The following PABPC4L variants were observed in gnomAD, a reference collection of about 807,000 sequenced individuals.
The protein encoded by PABPC4L is polyadenylate-binding protein 4-like.
For missense variants in PABPC4L, 452 were observed against 451.4 expected (o/e 1.00, Z -0.01); for synonymous variants, 169 against 164.1 (o/e 1.03, Z -0.23).
the PABPC4L span, among the ~76,000 whole-genome samples, chr4:134,103,529 G>T: frequency 4.0e-5 from 6 of 151,412 alleles, no homozygotes; most frequent in African/African-American, 1.5e-4. Context: ...TTAAAAAGAT[G>T]CCAATCATAT....
chr4:134,175,176 T>C, the PABPC4L span, among the ~76,000 whole-genome samples: 989 of 152,240 alleles, frequency 6.5e-3, 9 homozygotes, highest in African/African-American at 0.022. Flanking sequence ...AAAATATAAG[T>C]ACCCGCGAAA....
the PABPC4L span, among the ~76,000 whole-genome samples, chr4:134,072,560 G>C: frequency 6.6e-6 from 1 of 152,162 alleles, no homozygotes; most frequent in Non-Finnish European, 1.5e-5. Flanking sequence ...AAAAGCAAGA[G>C]TTTAGGAACA....
downstream of PABPC4L, among the ~76,000 whole-genome samples, chr4:134,195,120 C>A (rs142107319): frequency 7.1e-4 from 107 of 151,772 alleles, no homozygotes; most frequent in Non-Finnish European, 1.4e-3. Context: ...TACTAGGCTT[C>A]TAATGCTTCC....
the PABPC4L span, among the ~76,000 whole-genome samples, chr4:133,952,941 C>T: frequency 6.6e-6 from 1 of 152,122 alleles, no homozygotes; most frequent in Admixed American, 6.5e-5. Flanking sequence ...TAACTTTTCC[C>T]TAGAATGTTC....
the PABPC4L span, among the ~76,000 whole-genome samples, chr4:134,038,117 A>G: frequency 6.6e-6 from 1 of 152,096 alleles, no homozygotes; most frequent in African/African-American, 2.4e-5. Flanking sequence ...TATGTGATGA[A>G]TTATGTTTAT....
At chr4:134,062,302 C>T in the PABPC4L span, among the ~76,000 whole-genome samples, 2 of 151,764 alleles carry the variant, frequency 1.3e-5, no homozygotes, top group Admixed American at 6.6e-5. Flanking sequence ...TCATGAGACT[C>T]GCAGGTCAGT....
At chr4:134,019,492 T>C in the PABPC4L span, among the ~76,000 whole-genome samples, 2 of 152,132 alleles carry the variant, frequency 1.3e-5, no homozygotes, top group African/African-American at 2.4e-5. Context: ...ATTTGGAGAA[T>C]TGAATTAGCA....
chr4:133,978,447 A>G, the PABPC4L span, among the ~76,000 whole-genome samples: 7 of 152,088 alleles, frequency 4.6e-5, no homozygotes, highest in African/African-American at 9.7e-5. Flanking sequence ...ATCTCTACAA[A>G]TAATAATAAT....
chr4:134,014,274 C>T, the PABPC4L span, among the ~76,000 whole-genome samples: 1 of 152,174 alleles, frequency 6.6e-6, no homozygotes, highest in Non-Finnish European at 1.5e-5. Context: ...TCAAGGTGTA[C>T]AATAATAGAG....
At chr4:134,006,184 T>G in the PABPC4L span, among the ~76,000 whole-genome samples, 1 of 151,952 alleles carries the variant, frequency 6.6e-6, no homozygotes, top group African/African-American at 2.4e-5. Context: ...TTTTCCATGC[T>G]GCTCATGGAT....
chr4:133,951,313 G>T, the PABPC4L span, among the ~76,000 whole-genome samples: 26 of 152,058 alleles, frequency 1.7e-4, no homozygotes, highest in Non-Finnish European at 5.9e-5. Context: ...TAAGAAACTG[G>T]CTGGATTCAA....
At position 134,199,900 on chromosome 4, in the gene PABPC4L, T is replaced by G; in HGVS notation, c.*7A>C. 6.5e-7 allele frequency: 1 copy of G among 1,550,018 alleles called. No individual in the cohort carries two copies. Among genetic ancestry groups the G allele is most frequent in the Non-Finnish European group, 8.7e-7 (1 of 1,146,536 alleles). ...AGATACTAGCTGGAAAGGTACGTTTTTCTTTCCTAGTGTCTCTGGGCCAAG... is the reference window on the plus strand; with the variant it reads ...AGATACTAGCTGGAAAGGTACGTTTGTCTTTCCTAGTGTCTCTGGGCCAAG... On this transcript the variant is annotated 3_prime_UTR_variant, in exon 2 of 2. Transcript: ENST00000421491.
chr4:134,192,872 C>CTT (rs1729550330), downstream of PABPC4L, among the ~76,000 whole-genome samples: 2 of 152,024 alleles, frequency 1.3e-5, no homozygotes, highest in African/African-American at 2.4e-5. Context: ...GTGAGATAGA[C>CTT]AAGTGCTTGG....
At chr4:134,023,144 C>G in the PABPC4L span, among the ~76,000 whole-genome samples, 1 of 151,998 alleles carries the variant, frequency 6.6e-6, no homozygotes, top group Admixed American at 6.6e-5. Flanking sequence ...GAAGACAGAG[C>G]CCTTATTGCC....
downstream of PABPC4L, among the ~76,000 whole-genome samples, chr4:134,191,339 A>G (rs1479435042): frequency 6.6e-6 from 1 of 152,120 alleles, no homozygotes; most frequent in Non-Finnish European, 1.5e-5. Context: ...TATACCAACT[A>G]CACCTAACAC....
At chr4:133,971,391 G>A in the PABPC4L span, among the ~76,000 whole-genome samples, 1 of 152,178 alleles carries the variant, frequency 6.6e-6, no homozygotes, top group African/African-American at 2.4e-5. Flanking sequence ...GATTATAGGC[G>A]TGAGCCACCG....
chr4:133,971,889 G>A, the PABPC4L span, among the ~76,000 whole-genome samples: 1 of 151,946 alleles, frequency 6.6e-6, no homozygotes, highest in Non-Finnish European at 1.5e-5. Flanking sequence ...TTTTAAACTG[G>A]GTAAAATATT....
chr4:134,121,776 T>C, the PABPC4L span, among the ~76,000 whole-genome samples: 1 of 151,828 alleles, frequency 6.6e-6, no homozygotes, highest in Non-Finnish European at 1.5e-5. Context: ...TCAGTGTTCT[T>C]TGTGGTTACC....
the PABPC4L span, among the ~76,000 whole-genome samples, chr4:134,112,911 A>G: frequency 6.6e-6 from 1 of 151,902 alleles, no homozygotes; most frequent in Non-Finnish European, 1.5e-5. Context: ...GCTTCTGAAG[A>G]CCTTCCCTTG....
Sources: gnomAD v4.1 joint callset for allele counts (sites outside exome capture counted in the v4.1 genomes callset) on GRCh38, gnomAD v4.1.1 for gene constraint, MANE v1.5 for transcripts, NCBI Gene and HGNC (gene_info 2026-07-23, HGNC 2026-07-21) for gene names.